The following ZDHHC18 variants were observed in gnomAD, a reference collection of about 807,000 sequenced individuals.
The protein encoded by ZDHHC18 is zDHHC palmitoyltransferase 18, also known as palmitoyltransferase ZDHHC18.
A neutral mutation model predicts 37.5 loss-of-function variants in ZDHHC18; 23 were observed. The observed-to-expected ratio is 0.61, with a 90% CI of 0.44 to 0.87. ZDHHC18 has a LOEUF of 0.87. Among genes scored for constraint, ZDHHC18 ranks in the 40% least tolerant of loss-of-function variants. ZDHHC18 has a pLI of 0.00. For synonymous variants in ZDHHC18, 185 were observed against 218.7 expected (o/e 0.85, Z 1.36); for missense variants, 406 against 525.6 (o/e 0.77, Z 2.22).
At chr1:26,827,224 CCCCTTCGCCT>C in intron 1 of ZDHHC18, 85 bp downstream of exon 1, 1 of 1,125,492 alleles carries the variant, frequency 8.9e-7, no homozygotes, top group African/African-American at 1.6e-5. Flanking sequence ...TCCGTGCCTT[CCCCTTCGCCT>C]CCCTGGTCCT....
chr1:26,846,122 ATG>A (rs1334047210), intron 2 of ZDHHC18, among the ~76,000 whole-genome samples: 3 of 133,398 alleles, frequency 2.2e-5, no homozygotes, highest in African/African-American at 7.6e-5. Context: ...GTATATATAT[ATG>A]TGTGTGTATA....
intron 2 of ZDHHC18, 58 bp downstream of exon 2, chr1:26,832,665 G>A (rs896189732): frequency 6.3e-7 from 1 of 1,585,422 alleles, no homozygotes; most frequent in Non-Finnish European, 8.6e-7. Flanking sequence ...TCCCTGACTT[G>A]GGAGGAGGCC....
chr1:26,830,304 A>G (rs2081582777), intron 1 of ZDHHC18, among the ~76,000 whole-genome samples: 1 of 152,174 alleles, frequency 6.6e-6, no homozygotes, highest in South Asian at 2.1e-4. Flanking sequence ...CTTGGGTCCC[A>G]CTTTAGCACT....
intron 1 of ZDHHC18, chr1:26,831,951 C>A (rs1347085971): frequency 6.5e-6 from 1 of 153,238 alleles, no homozygotes; most frequent in Non-Finnish European, 1.5e-5. Flanking sequence ...GTCTTGTTTT[C>A]CCCACTAGAC....
rs969770838 is a variant in ZDHHC18, at chr1:26,826,725, G to C, written c.-80G>C. The C allele has an allele frequency of 5.7e-6, 4 of 697,066 alleles. No individual in the cohort carries two copies. Among genetic ancestry groups the C allele is most frequent in the Admixed American group, 6.5e-5 (1 of 15,340 alleles). 43.2% of individuals were successfully genotyped at this position (697,066 alleles called of 1,614,324 possible). On this transcript the variant is annotated 5_prime_UTR_variant, in exon 1 of 8. Coordinates refer to ENST00000374142, the MANE Select transcript of ZDHHC18 (RefSeq NM_032283.3). This position sits in a 1 kb window ranked among gnomAD's most constrained non-coding sequence, Gnocchi z 5.2. ...AGCGAGCGCCGCGCGCGCCGCCGCT[G>C]CCACCTCCGCTGCTCGGCCCGGTCC...
In ZDHHC18 at chr1:26,827,109, T is replaced by C; in HGVS notation, c.305T>C (p.Leu102Pro). ...TTCGCGCTCACGCTGCTGCTCATCC[T>C]CACCACCACCGGCCTCTTCTTCGTC... ...GVFALTLLLILTTTGLFFVFD... is the reference protein window; with the variant it reads ...GVFALTLLLIPTTTGLFFVFD... The change falls in exon 1 of 8, where the codon CTC becomes CCC. Residue 102 changes from leucine to proline, a missense_variant. Coordinates refer to ENST00000374142, the MANE Select transcript of ZDHHC18 (RefSeq NM_032283.3). 1.4e-6 allele frequency: 2 copies of C among 1,418,776 alleles called. No homozygotes were observed. The highest frequency in any genetic ancestry group is 1.5e-5 in the African/African-American group (1 of 67,096). 87.9% of individuals were successfully genotyped at this position (1,418,776 alleles called of 1,614,324 possible).
At chr1:26,836,890 T>G (rs1439130927) in intron 2 of ZDHHC18, among the ~76,000 whole-genome samples, 1 of 148,986 alleles carries the variant, frequency 6.7e-6, no homozygotes, top group Admixed American at 6.7e-5. Context: ...CTTTAGTATT[T>G]TCCTCCTAAA....
At position 26,854,273 on chromosome 1, in the gene ZDHHC18, A is replaced by T. The variant is rs907825143; in HGVS notation, c.*430A>T. 1 of 158,924 alleles carries T rather than the reference A, an allele frequency of 6.3e-6. No individual in the cohort carries two copies. The highest frequency in any genetic ancestry group is 2.4e-5 in the African/African-American group (1 of 41,630). 9.8% of individuals were successfully genotyped at this position (158,924 alleles called of 1,614,324 possible). Reference sequence around the variant, plus strand: ...CAGCTCTGGATAGCTGGCTGTGGAGAGGAAGCCTCCATGGGCTGCTTTGGT... The same window carrying T: ...CAGCTCTGGATAGCTGGCTGTGGAGTGGAAGCCTCCATGGGCTGCTTTGGT... On this transcript the variant is annotated 3_prime_UTR_variant, in exon 8 of 8. Coordinates refer to ENST00000374142, the MANE Select transcript of ZDHHC18 (RefSeq NM_032283.3). This position sits in a 1 kb window ranked among gnomAD's most constrained non-coding sequence, Gnocchi z 4.6.
chr1:26,852,913 A>G, intron 7 of ZDHHC18, 48 bp downstream of exon 7: 3 of 1,563,532 alleles, frequency 1.9e-6, no homozygotes, highest in Non-Finnish European at 2.6e-6. Context: ...ATGCCTGGCC[A>G]GTGATCAAAG....
rs1300707072 is a variant in ZDHHC18 at position 26,850,729 on chromosome 1, C to T, written c.833+123C>T. On this transcript the variant is annotated intron_variant, in intron 5 of 7. Transcript: ENST00000374142. This position sits in a 1 kb window ranked among gnomAD's most constrained non-coding sequence, Gnocchi z 6.1. ...CAGCTCACATGTGTCCTCCAGAATCCAACATGCCAGCTCTTCTGTTCACAC... is the reference window on the plus strand; with the variant it reads ...CAGCTCACATGTGTCCTCCAGAATCTAACATGCCAGCTCTTCTGTTCACAC... The T allele has an allele frequency of 1.7e-6, 2 of 1,164,200 alleles. No homozygotes were observed. The highest frequency in any genetic ancestry group is 1.5e-5 in the African/African-American group (1 of 65,332). 72.1% of individuals were successfully genotyped at this position (1,164,200 alleles called of 1,614,324 possible). A position where few individuals can be genotyped will look rare whatever the true frequency, so the allele number is the denominator to read the frequency against.
Position 26,826,841 on chromosome 1 carries a change from G to GACGCCCCGCTGC in ZDHHC18, c.37_38insACGCCCCGCTGC (p.Ala13delinsAspAlaProLeuPro). 1.0e-6 allele frequency: 1 copy of GACGCCCCGCTGC among 980,416 alleles called. No homozygotes were observed. The highest frequency in any genetic ancestry group is 1.2e-6 in the Non-Finnish European group (1 of 827,974). The allele number at this position is 980,416 out of a possible 1,614,324, so 60.7% of individuals were successfully genotyped here. A position where few individuals can be genotyped will look rare whatever the true frequency, so the allele number is the denominator to read the frequency against. On this transcript the variant is annotated protein_altering_variant, in exon 1 of 8. Coordinates refer to ENST00000374142, the MANE Select transcript of ZDHHC18 (RefSeq NM_032283.3). The surrounding 1 kb of genome is among the most constrained non-coding windows in gnomAD (Gnocchi z 5.2). ...CGAGTACCAGCAGATCAGCCCCGGGGCCGCCCCGCTGCCCGCCTCCCCGGG... is the reference window on the plus strand; with the variant it reads ...CGAGTACCAGCAGATCAGCCCCGGGGACGCCCCGCTGCCCGCCCCGCTGCCCGCCTCCCCGGG...
At chr1:26,838,742 C>G (rs901532368) in intron 2 of ZDHHC18, among the ~76,000 whole-genome samples, 1 of 152,232 alleles carries the variant, frequency 6.6e-6, no homozygotes, top group South Asian at 2.1e-4. Flanking sequence ...CACACAGAGG[C>G]ACTGCCTTGT....
chr1:26,834,540 T>C (rs2081602711), intron 2 of ZDHHC18, among the ~76,000 whole-genome samples: 1 of 152,180 alleles, frequency 6.6e-6, no homozygotes, highest in Non-Finnish European at 1.5e-5. Flanking sequence ...AGGCCTTCCA[T>C]TGCACATTCC....
chr1:26,831,518 G>T (rs924482934), intron 1 of ZDHHC18, among the ~76,000 whole-genome samples: 5 of 152,326 alleles, frequency 3.3e-5, no homozygotes, highest in African/African-American at 9.6e-5. Context: ...GGTGGACAGT[G>T]AGGTGACAAC....
intron 2 of ZDHHC18, among the ~76,000 whole-genome samples, chr1:26,838,275 G>A (rs939591460): frequency 6.6e-6 from 1 of 152,104 alleles, no homozygotes; most frequent in African/African-American, 2.4e-5. Flanking sequence ...AATTACAGGT[G>A]TGAGCCACTG....
intron 1 of ZDHHC18, among the ~76,000 whole-genome samples, chr1:26,828,784 C>T (rs1231531110): frequency 1.3e-5 from 2 of 150,600 alleles, no homozygotes; most frequent in Non-Finnish European, 3.0e-5. Flanking sequence ...CAGCTCTGGG[C>T]TGAGTTTCAG....
Position 26,826,705 on chromosome 1 carries a change from G to T in ZDHHC18, c.-100G>T, listed in dbSNP as rs999056959. 2.7e-5 allele frequency: 13 copies of T among 483,102 alleles called. No homozygotes were observed. The highest frequency in any genetic ancestry group is 3.5e-5 in the Non-Finnish European group (13 of 372,992). The allele number at this position is 483,102 out of a possible 1,614,324, so 29.9% of individuals were successfully genotyped here. Reference sequence around the variant, plus strand: ...GCCGCCCCAGTGAGTGAGCGAGCGAGCGCCGCGCGCGCCGCCGCTGCCACC... The same window carrying T: ...GCCGCCCCAGTGAGTGAGCGAGCGATCGCCGCGCGCGCCGCCGCTGCCACC... On this transcript the variant is annotated 5_prime_UTR_variant, in exon 1 of 8. Coordinates refer to ENST00000374142, the MANE Select transcript of ZDHHC18 (RefSeq NM_032283.3). The surrounding 1 kb of genome is among the most constrained non-coding windows in gnomAD (Gnocchi z 5.2).
At chr1:26,852,035 C>T (rs2081707169) in intron 6 of ZDHHC18, among the ~76,000 whole-genome samples, 1 of 152,248 alleles carries the variant, frequency 6.6e-6, no homozygotes, top group East Asian at 1.9e-4. Flanking sequence ...TCCCAGACCT[C>T]ATCCTCTCAT....
chr1:26,838,312 A>G (rs1208672740), intron 2 of ZDHHC18, among the ~76,000 whole-genome samples: 1 of 150,426 alleles, frequency 6.6e-6, no homozygotes, highest in East Asian at 2.0e-4. Context: ...TTCTTTTTAA[A>G]TTATTTTTTG....
Sources: gnomAD v4.1 joint callset for allele counts (sites outside exome capture counted in the v4.1 genomes callset) on GRCh38, gnomAD v4.1.1 for gene constraint, Gnocchi (gnomAD v3.1) non-coding constraint, MANE v1.5 for transcripts, NCBI Gene and HGNC (gene_info 2026-07-23, HGNC 2026-07-21) for gene names.